ATXN1: variants seen among roughly 807,000 people sequenced by gnomAD.
ATXN1 encodes ataxin 1, also known as ataxin-1.
A neutral mutation model predicts 56.4 loss-of-function variants in ATXN1; 8 were observed. That is an observed-to-expected ratio of 0.14 (90% confidence interval 0.08 to 0.26). ATXN1 has a LOEUF of 0.26. Ranked by LOEUF, ATXN1 falls within the 10% of genes least tolerant of loss-of-function variation. The probability of loss-of-function intolerance (pLI) is 1.00; values close to 1 mark genes in which losing one functional copy is unlikely to be tolerated. For synonymous variants in ATXN1, 514 were observed against 494.6 expected (o/e 1.04, Z -0.52); for missense variants, 987 against 1,106.5 (o/e 0.89, Z 1.53).
intron 4 of ATXN1, among the ~76,000 whole-genome samples, chr6:16,575,784 G>A (rs72825525): frequency 0.011 from 1,719 of 152,312 alleles, 14 homozygotes; most frequent in Non-Finnish European, 0.019. Flanking sequence ...TGGCCCAGAA[G>A]AAAACATAGT....
rs563008409 is a variant in ATXN1 at position 16,328,779 on chromosome 6, G to T, written c.-160-309C>A. Among the ~76,000 whole-genome samples, 1 of 152,236 alleles carries T rather than the reference G, an allele frequency of 6.6e-6. No individual in the cohort carries two copies. Among genetic ancestry groups the T allele is most frequent in the African/African-American group, 2.4e-5 (1 of 41,532 alleles). On this transcript the variant is annotated intron_variant, in intron 6 of 7. Coordinates refer to ENST00000436367, the MANE Select transcript of ATXN1 (RefSeq NM_001128164.2). The surrounding 1 kb of genome is among the most constrained non-coding windows in gnomAD (Gnocchi z 6.2). Reference sequence around the variant, plus strand: ...AAAAATAAAAAACAAATTTAGCCTGGTGTAACATTAGCTGGCACACGGCTG... The same window carrying T: ...AAAAATAAAAAACAAATTTAGCCTGTTGTAACATTAGCTGGCACACGGCTG...
At chr6:16,696,469 A>G (rs1253107422) in intron 2 of ATXN1, among the ~76,000 whole-genome samples, 1 of 152,230 alleles carries the variant, frequency 6.6e-6, no homozygotes, top group Non-Finnish European at 1.5e-5. Flanking sequence ...AAATTTTATA[A>G]TACATTTTAC....
intron 2 of ATXN1, among the ~76,000 whole-genome samples, chr6:16,707,692 C>A (rs1057330379): frequency 6.6e-6 from 1 of 152,062 alleles, no homozygotes; most frequent in African/African-American, 2.4e-5. Context: ...GTAGAGGGAA[C>A]ACTGGGGAAA....
chr6:16,696,191 T>A (rs1055171993), intron 2 of ATXN1, among the ~76,000 whole-genome samples: 1 of 152,156 alleles, frequency 6.6e-6, no homozygotes, highest in South Asian at 2.1e-4. Context: ...AATTAATGTA[T>A]ATGATTCAGC....
chr6:16,368,068 C>T (rs1317031714), intron 6 of ATXN1, among the ~76,000 whole-genome samples: 1 of 151,854 alleles, frequency 6.6e-6, no homozygotes, highest in Admixed American at 6.6e-5. Flanking sequence ...TACTCGGGAG[C>T]CTGAGGCAGG....
Position 16,305,771 on chromosome 6 carries a change from G to A in ATXN1, c.*558C>T, listed in dbSNP as rs1760229160. The A allele has an allele frequency of 1.3e-5, 2 of 152,612 alleles. No individual in the cohort carries two copies. Among genetic ancestry groups the A allele is most frequent in the South Asian group, 4.1e-4 (2 of 4,842 alleles). The allele number at this position is 152,612 out of a possible 1,614,324, so 9.5% of individuals were successfully genotyped here. A position where few individuals can be genotyped will look rare whatever the true frequency, so the allele number is the denominator to read the frequency against. On this transcript the variant is annotated 3_prime_UTR_variant, in exon 8 of 8. Coordinates refer to ENST00000436367, the MANE Select transcript of ATXN1 (RefSeq NM_001128164.2). Reference sequence around the variant, plus strand: ...TAACTTTCCAAATCTGCCATCTGACGCGTCTCCGCGATGCCCTGAAGCTGG... The same window carrying A: ...TAACTTTCCAAATCTGCCATCTGACACGTCTCCGCGATGCCCTGAAGCTGG...
intron 3 of ATXN1, among the ~76,000 whole-genome samples, chr6:16,589,711 A>G (rs905578915): frequency 3.3e-5 from 5 of 152,222 alleles, no homozygotes; most frequent in African/African-American, 1.2e-4. Context: ...TACAGCCATT[A>G]TCACTATCAG....
intron 6 of ATXN1, among the ~76,000 whole-genome samples, chr6:16,438,109 C>T (rs1050792977): frequency 6.0e-4 from 91 of 152,362 alleles, no homozygotes; most frequent in African/African-American, 2.1e-3. Context: ...GTACGGTTCA[C>T]TTTCCTATGA....
chr6:16,683,631 G>C (rs1391573896), intron 2 of ATXN1, among the ~76,000 whole-genome samples: 1 of 152,152 alleles, frequency 6.6e-6, no homozygotes, highest in African/African-American at 2.4e-5. Flanking sequence ...TTGGATTCAG[G>C]CTTAGGACAA....
At chr6:16,733,200 TTG>T (rs1760030593) in intron 2 of ATXN1, among the ~76,000 whole-genome samples, 1 of 152,192 alleles carries the variant, frequency 6.6e-6, no homozygotes, top group Admixed American at 6.5e-5. Flanking sequence ...TGGTTTTTGA[TTG>T]TGTTATGAAG....
rs3817753 is a variant in ATXN1 at position 16,327,672 on chromosome 6, C to A, written c.639G>T (p.Gln213His). ...QQQQQQHQHQ[Q>H]QQQQQQQQQQ... The stretch of plus-strand genomic sequence containing the variant: ...GCTGCTGCTGCTGCTGCTGCTGCTG[C>A]TGCTGATGCTGATGCTGCTGCTGCT... The change falls in exon 7 of 8, where the codon CAG (glutamine) becomes CAT (histidine). Residue 213 changes from glutamine (Q) to histidine (H), a missense_variant. By Grantham distance (24) the Gln-to-His change is conservative. Coordinates refer to ENST00000436367, the MANE Select transcript of ATXN1 (RefSeq NM_001128164.2). The A allele has an allele frequency of 0.02, 27,812 of 1,400,992 alleles. 808 individuals are homozygous for A. In the East Asian group the frequency reaches 0.24, roughly 12 times the overall value. The allele number at this position is 1,400,992 out of a possible 1,614,324, so 86.8% of individuals were successfully genotyped here.
Position 16,506,148 on chromosome 6 carries a change from G to A in ATXN1, c.-299+16479C>T, listed in dbSNP as rs1234461348. On this transcript the variant is annotated intron_variant, in intron 5 of 7. Transcript: ENST00000436367. This position sits in a 1 kb window ranked among gnomAD's most constrained non-coding sequence, Gnocchi z 4.1. ...GGAATGGAAGATCATTGGAAGCCCT[G>A]GAAAAATAGAAAATATTTCTAGGGT... Among the ~76,000 whole-genome samples the A allele has an allele frequency of 2.6e-5, 4 of 152,134 alleles. No individual in the cohort carries two copies. The highest frequency in any genetic ancestry group is 9.7e-5 in the African/African-American group (4 of 41,438).
At chr6:16,588,667 T>G (rs1357793356) in intron 3 of ATXN1, among the ~76,000 whole-genome samples, 2 of 152,132 alleles carry the variant, frequency 1.3e-5, no homozygotes, top group African/African-American at 4.8e-5. Flanking sequence ...ATCAATAAAC[T>G]CCAGAAAGGG....
chr6:16,419,680 C>T (rs1758991518), intron 6 of ATXN1, among the ~76,000 whole-genome samples: 1 of 152,060 alleles, frequency 6.6e-6, no homozygotes. Flanking sequence ...GCCAGGGAGG[C>T]CTTGAGGGTA....
intron 6 of ATXN1, among the ~76,000 whole-genome samples, chr6:16,387,525 C>T (rs562811901): frequency 2.0e-5 from 3 of 152,250 alleles, no homozygotes; most frequent in Non-Finnish European, 4.4e-5. Flanking sequence ...CTCCCAGGGA[C>T]ATCTGAAAAG....
At chr6:16,521,506 C>T (rs1349737373) in intron 5 of ATXN1, among the ~76,000 whole-genome samples, 8 of 152,104 alleles carry the variant, frequency 5.3e-5, no homozygotes, top group African/African-American at 1.7e-4. Context: ...TGCAGTGAGC[C>T]GAGATCGTGC....
At position 16,424,627 on chromosome 6, in the gene ATXN1, T is replaced by C. The variant is rs558165786; in HGVS notation, c.-161+61345A>G. Among the ~76,000 whole-genome samples the C allele has an allele frequency of 7.9e-5, 12 of 152,336 alleles. No individual in the cohort carries two copies. The East Asian group carries it at 2.3e-3, about 29-fold the overall frequency. ...CCATTGCTGTCTCTGTCTGCCCTGC[T>C]ACTCAGAAGACGGTGGAAGGAATGC... On this transcript the variant is annotated intron_variant, in intron 6 of 7. Coordinates refer to ENST00000436367, the MANE Select transcript of ATXN1 (RefSeq NM_001128164.2).
intron 3 of ATXN1, among the ~76,000 whole-genome samples, chr6:16,647,444 A>C (rs1763819275): frequency 1.3e-5 from 2 of 152,184 alleles, no homozygotes; most frequent in Non-Finnish European, 2.9e-5. Context: ...TTTTCAACAC[A>C]TCATACTGTT....
At chr6:16,705,162 G>A (rs1348003060) in intron 2 of ATXN1, among the ~76,000 whole-genome samples, 1 of 152,174 alleles carries the variant, frequency 6.6e-6, no homozygotes, top group African/African-American at 2.4e-5. Flanking sequence ...CTTGGGGGAG[G>A]GCTAAAGTGA....
Sources: gnomAD v4.1 joint callset for allele counts (sites outside exome capture counted in the v4.1 genomes callset) on GRCh38, gnomAD v4.1.1 for gene constraint, Gnocchi (gnomAD v3.1) non-coding constraint, MANE v1.5 for transcripts, NCBI Gene and HGNC (gene_info 2026-07-23, HGNC 2026-07-21) for gene names.